FANCA: variants seen among roughly 807,000 people sequenced by gnomAD.
The protein encoded by FANCA is Fanconi anemia group A protein.
FANCA carries 236 observed loss-of-function variants against 194.3 expected under a neutral mutation model. The observed-to-expected ratio is 1.21, with a 90% confidence interval of 1.09 to 1.35. The LOEUF (loss-of-function observed/expected upper bound fraction) is 1.35, where lower values mean the gene tolerates loss of function less well. FANCA is among the 40% of genes most tolerant of loss of function. The pLI is 0.00. For synonymous variants in FANCA, 1,014 were observed against 715.8 expected (o/e 1.42, Z -6.65); for missense variants, 2,628 against 1,813.9 (o/e 1.45, Z -8.15).
At chr16:89,743,276 G>A (rs918702416) in intron 36 of FANCA, among the ~76,000 whole-genome samples, 22 of 152,186 alleles carry the variant, frequency 1.4e-4, no homozygotes, top group African/African-American at 5.1e-4. Context: ...GCCCATGCCT[G>A]GCCCTGTGGA....
At chr16:89,799,509 G>A (rs1433646757) in intron 9 of FANCA, 96 bp downstream of exon 9, 3 of 1,251,634 alleles carry the variant, frequency 2.4e-6, no homozygotes, top group Non-Finnish European at 3.5e-6. Flanking sequence ...AACATACAGA[G>A]GAGAAATACC....
rs770599933 is a variant in FANCA, at chr16:89,816,617, G to T, written c.-2C>A. ...GTTCGGGACCCACGAGTCGGACATG[G>T]CCTTGGCGCCTACAGCCCCGGCGGC... On this transcript the variant is annotated 5_prime_UTR_variant, in exon 1 of 43. Transcript: ENST00000389301. 3.9e-6 allele frequency: 6 copies of T among 1,522,644 alleles called. No homozygotes were observed. The African/African-American group carries it at 5.7e-5, about 14-fold the overall frequency. 94.3% of individuals were successfully genotyped at this position (1,522,644 alleles called of 1,614,324 possible).
chr16:89,798,687 G>A (rs2040331766), intron 10 of FANCA: 1 of 1,287,832 alleles, frequency 7.8e-7, no homozygotes, highest in African/African-American at 1.5e-5. Flanking sequence ...GCCATGGAGA[G>A]AAAAAGCTAA....
At position 89,775,703 on chromosome 16, in the gene FANCA, G is replaced by C. The variant is rs753276746; in HGVS notation, c.1900+39C>G. The stretch of plus-strand genomic sequence containing the variant: ...CACTCAAGGTTAGGAAAATGGAAAA[G>C]CACAAGTCCCAGAGTGGACAAGCGG... On this transcript the variant is annotated intron_variant, in intron 21 of 42. Coordinates refer to ENST00000389301, the MANE Select transcript of FANCA (RefSeq NM_000135.4). 32 of 1,544,142 alleles carry C rather than the reference G, an allele frequency of 2.1e-5. 1 individual carries two copies. In the Admixed American group the frequency reaches 5.3e-4, roughly 25 times the overall value.
intron 36 of FANCA, among the ~76,000 whole-genome samples, chr16:89,743,613 C>T (rs1165263345): frequency 1.3e-5 from 2 of 152,126 alleles, no homozygotes. Flanking sequence ...CACCTGAGGT[C>T]GGGAGTTCGA....
rs775772634 is a variant in FANCA, at chr16:89,775,819, G to C, written c.1827-4C>G. The C allele has an allele frequency of 6.2e-7, 1 of 1,605,892 alleles. No homozygotes were observed. Among genetic ancestry groups the C allele is most frequent in the Non-Finnish European group, 8.5e-7 (1 of 1,174,052 alleles). ...AGATGGGGGGATTTTATCTGCTCTG[G>C]ATCACAGGAAAACAATACAATTAAG... On this transcript the variant is annotated splice_polypyrimidine_tract_variant and splice_region_variant and intron_variant, in intron 20 of 42. Coordinates refer to ENST00000389301, the MANE Select transcript of FANCA (RefSeq NM_000135.4).
In FANCA at chr16:89,814,342, G is replaced by C. The variant is rs545314162; in HGVS notation, c.283+178C>G. Among the ~76,000 whole-genome samples, 3 of 152,232 alleles carry C rather than the reference G, an allele frequency of 2.0e-5. No homozygotes were observed. The highest frequency in any genetic ancestry group is 7.2e-5 in the African/African-American group (3 of 41,534). The stretch of plus-strand genomic sequence containing the variant: ...GAATCAGACGCTGTTTTTAAACACA[G>C]CATCGTAAGAAGCCCAAGAGCAAGT... On this transcript the variant is annotated intron_variant, in intron 3 of 42. Coordinates refer to ENST00000389301, the MANE Select transcript of FANCA (RefSeq NM_000135.4).
chr16:89,741,569 CAG>C (rs960484463), intron 37 of FANCA, among the ~76,000 whole-genome samples: 19 of 152,170 alleles, frequency 1.2e-4, no homozygotes, highest in Non-Finnish European at 7.3e-5. Flanking sequence ...GCTCCCTGCA[CAG>C]AGAGCTGTGT....
At position 89,748,802 on chromosome 16, in the gene FANCA, C is replaced by T. The variant is rs17227106; in HGVS notation, c.3240-35G>A. The T allele has an allele frequency of 8.4e-4, 1,313 of 1,560,078 alleles. 8 individuals are homozygous for T. The African/African-American group carries it at 0.016, about 19-fold the overall frequency. ...AGGGGCTGTATTGGTGGCGACAGCA[C>T]AGCGTACACTCTGCTCCTTCCCAAG... On this transcript the variant is annotated intron_variant, in intron 32 of 42. Coordinates refer to ENST00000389301, the MANE Select transcript of FANCA (RefSeq NM_000135.4).
chr16:89,763,734 C>T (rs865799867), intron 28 of FANCA, among the ~76,000 whole-genome samples: 21 of 151,360 alleles, frequency 1.4e-4, no homozygotes, highest in Admixed American at 5.3e-4. Flanking sequence ...GTCAGGAGGT[C>T]GAGACCAGCC....
intron 22 of FANCA, among the ~76,000 whole-genome samples, chr16:89,772,215 C>T (rs1000198574): frequency 3.9e-5 from 6 of 152,162 alleles, no homozygotes; most frequent in African/African-American, 1.4e-4. Context: ...AGGTGAAAAC[C>T]GCTTTGCTTT....
intron 2 of FANCA, among the ~76,000 whole-genome samples, chr16:89,815,097 G>C (rs1307944406): frequency 8.6e-5 from 13 of 151,928 alleles, no homozygotes; most frequent in Non-Finnish European, 1.6e-4. Flanking sequence ...GAGTGCAATG[G>C]CGGGATCTCA....
intron 14 of FANCA, among the ~76,000 whole-genome samples, chr16:89,789,480 T>C (rs2040000276): frequency 1.5e-5 from 2 of 135,908 alleles, no homozygotes; most frequent in Non-Finnish European, 3.0e-5. Context: ...TTGCTCTGTC[T>C]CCCAGGCTGG....
intron 23 of FANCA, among the ~76,000 whole-genome samples, chr16:89,771,238 C>T (rs909309120): frequency 6.6e-6 from 1 of 151,200 alleles, no homozygotes; most frequent in South Asian, 2.1e-4. Flanking sequence ...GCAGACAGAT[C>T]ACTTGACCTC....
At position 89,738,638 on chromosome 16, in the gene FANCA, G is replaced by C; in HGVS notation, c.4331C>G (p.Pro1444Arg). The C allele has an allele frequency of 4.3e-6, 7 of 1,613,692 alleles. No individual in the cohort carries two copies. The highest frequency in any genetic ancestry group is 5.9e-6 in the Non-Finnish European group (7 of 1,180,032). Residue 1444 changes from proline to arginine, a missense_variant, in exon 43 of 43, where the codon CCT (proline) becomes CGT (arginine). By Grantham distance (103) the Pro-to-Arg change is moderately radical. Coordinates refer to ENST00000389301, the MANE Select transcript of FANCA (RefSeq NM_000135.4). Reference protein sequence around the residue: ...AALQSRQQAAPDADLSQEPHL... With the variant: ...AALQSRQQAARDADLSQEPHL... ...AGGCTCCTGGGACAGGTCAGCGTCA[G>C]GGGCAGCCTGCTGTCTGCTCTGGAG... is the stretch of plus-strand genomic sequence containing the variant.
At chr16:89,792,284 G>A (rs186972326) in intron 12 of FANCA, among the ~76,000 whole-genome samples, 187 bp downstream of exon 12, 1 of 152,180 alleles carries the variant, frequency 6.6e-6, no homozygotes, top group South Asian at 2.1e-4. Flanking sequence ...AGGAGGAGGG[G>A]CTCGGCCCAA....
intron 29 of FANCA, among the ~76,000 whole-genome samples, chr16:89,761,049 T>G (rs1044122515): frequency 6.6e-6 from 1 of 152,176 alleles, no homozygotes; most frequent in Non-Finnish European, 1.5e-5. Context: ...ACTCCCTGCT[T>G]CTAGAACACT....
intron 17 of FANCA, among the ~76,000 whole-genome samples, chr16:89,781,476 A>C (rs1366217207): frequency 6.6e-6 from 1 of 150,564 alleles, no homozygotes; most frequent in Non-Finnish European, 1.5e-5. Flanking sequence ...GATTGAGACC[A>C]TCCTGGATAA....
chr16:89,799,335 C>A, intron 9 of FANCA, 103 bp from the exon 10 acceptor site: 3 of 1,297,284 alleles, frequency 2.3e-6, no homozygotes, highest in South Asian at 1.2e-5. Context: ...CTTCAACCCC[C>A]CAGAGGGCCC....
Sources: allele counts gnomAD v4.1 joint callset (sites outside exome capture counted in the v4.1 genomes callset), GRCh38; gene constraint gnomAD v4.1.1; transcripts MANE v1.5; gene names NCBI Gene and HGNC (gene_info 2026-07-23, HGNC 2026-07-21).